Variants in VRK2 observed in about 807,000 individuals in gnomAD.
VRK2 encodes serine/threonine-protein kinase VRK2.
In VRK2, 60 loss-of-function variants were observed where a neutral mutation model predicts 57.6. The ratio of observed to expected loss-of-function variants is 1.04; its 90% CI spans 0.85 to 1.29. VRK2 has a LOEUF of 1.29. Ranked by LOEUF, VRK2 falls within the 50% of genes most tolerant of loss-of-function variation. The pLI is 0.00. For missense variants in VRK2, 705 were observed against 588.1 expected (o/e 1.20, Z -2.06); for synonymous variants, 231 against 199.2 (o/e 1.16, Z -1.35).
At chr2:58,035,353 G>C (rs1365476336) in intron 3 of VRK2, among the ~76,000 whole-genome samples, 1 of 151,786 alleles carries the variant, frequency 6.6e-6, no homozygotes, top group African/African-American at 2.4e-5. Flanking sequence ...TCAGTCTATG[G>C]TCTCCTTACT....
intron 12 of VRK2, among the ~76,000 whole-genome samples, chr2:58,156,393 A>G (rs980459335): frequency 1.3e-5 from 2 of 151,996 alleles, no homozygotes; most frequent in African/African-American, 2.4e-5. Flanking sequence ...CTGTGGGTTG[A>G]TATTTGTCTT....
chr2:58,038,443 C>T (rs1485491664), intron 3 of VRK2, among the ~76,000 whole-genome samples: 3 of 152,098 alleles, frequency 2.0e-5, no homozygotes, highest in Admixed American at 6.6e-5. Flanking sequence ...AAGAACTTTC[C>T]GGCCTCCTCC....
chr2:58,084,065 A>G, intron 2 of VRK2, 24 bp from the exon 3 acceptor site: 1 of 1,603,284 alleles, frequency 6.2e-7, no homozygotes. Context: ...ATTTTTCTCC[A>G]TTGTGTGTTT....
intron 1 of VRK2, among the ~76,000 whole-genome samples, chr2:58,009,260 C>T (rs1027950498): frequency 2.0e-5 from 3 of 151,926 alleles, no homozygotes; most frequent in Admixed American, 6.6e-5. Flanking sequence ...ATTTATTTAA[C>T]TGGACATATG....
chr2:58,045,974 G>A (rs1171064855), upstream of VRK2, among the ~76,000 whole-genome samples: 1 of 152,126 alleles, frequency 6.6e-6, no homozygotes, highest in Non-Finnish European at 1.5e-5. Flanking sequence ...CTGCCGAGTA[G>A]CTGGGATTAC....
At chr2:58,013,795 C>T (rs957417258) in intron 1 of VRK2, among the ~76,000 whole-genome samples, 2 of 136,512 alleles carry the variant, frequency 1.5e-5, no homozygotes, top group African/African-American at 5.8e-5. Flanking sequence ...GAAGGCGGAG[C>T]TTGCAGTGAG....
At chr2:58,102,172 A>G (rs1432844942) in intron 7 of VRK2, among the ~76,000 whole-genome samples, 3 of 151,600 alleles carry the variant, frequency 2.0e-5, no homozygotes, top group East Asian at 3.9e-4. Context: ...GAAACTGACA[A>G]TGGGAACTGC....
At chr2:57,928,907 G>A (rs1469057903) in intron 1 of VRK2, among the ~76,000 whole-genome samples, 2 of 152,322 alleles carry the variant, frequency 1.3e-5, no homozygotes, top group Non-Finnish European at 2.9e-5. Flanking sequence ...TCCCAAACAA[G>A]TGGAGTCTCT....
At chr2:58,115,975 CG>C (rs949358823) in intron 7 of VRK2, among the ~76,000 whole-genome samples, 1 of 152,106 alleles carries the variant, frequency 6.6e-6, no homozygotes, top group African/African-American at 2.4e-5. Context: ...TTTGGCACCA[CG>C]GGGTGGATAG....
chr2:58,049,744 A>C (rs745909048), intron 2 of VRK2, among the ~76,000 whole-genome samples: 1 of 152,202 alleles, frequency 6.6e-6, no homozygotes, highest in Non-Finnish European at 1.5e-5. Context: ...GATCACATCT[A>C]TTTCTATAGG....
chr2:57,939,274 C>A (rs1671016298), intron 1 of VRK2, among the ~76,000 whole-genome samples: 1 of 152,152 alleles, frequency 6.6e-6, no homozygotes, highest in Admixed American at 6.5e-5. Flanking sequence ...CAGATTTCAG[C>A]ACTTTCATTG....
At chr2:57,974,789 A>G (rs76227152) in intron 1 of VRK2, among the ~76,000 whole-genome samples, 1 of 151,882 alleles carries the variant, frequency 6.6e-6, no homozygotes, top group Non-Finnish European at 1.5e-5. Context: ...AATGAAGATA[A>G]AAGCAGAAAA....
chr2:58,078,302 G>T (rs1248676331), intron 2 of VRK2, among the ~76,000 whole-genome samples: 2 of 151,948 alleles, frequency 1.3e-5, no homozygotes, highest in Non-Finnish European at 2.9e-5. Flanking sequence ...TGTCCTCAAG[G>T]TTCATTTATG....
intron 2 of VRK2, among the ~76,000 whole-genome samples, chr2:58,064,895 A>G (rs1441097706): frequency 2.0e-5 from 3 of 152,124 alleles, no homozygotes; most frequent in Non-Finnish European, 2.9e-5. Context: ...TTTGGAATCT[A>G]ATCCAGGAAA....
At chr2:57,940,976 C>G (rs1671076144) in intron 1 of VRK2, among the ~76,000 whole-genome samples, 1 of 151,750 alleles carries the variant, frequency 6.6e-6, no homozygotes, top group Non-Finnish European at 1.5e-5. Context: ...TAGAGAGTAA[C>G]ACAAGAATGC....
At chr2:58,007,723 A>T (rs571917130) in intron 1 of VRK2, among the ~76,000 whole-genome samples, 1 of 152,142 alleles carries the variant, frequency 6.6e-6, no homozygotes, top group Admixed American at 6.6e-5. Context: ...CAGATTTTCT[A>T]CTGTGCAGGG....
At chr2:58,149,087 A>G (rs951740111) in intron 12 of VRK2, among the ~76,000 whole-genome samples, 1 of 151,760 alleles carries the variant, frequency 6.6e-6, no homozygotes, top group African/African-American at 2.4e-5. Context: ...TTTATGGAGA[A>G]CTGGCATCCC....
intron 2 of VRK2, among the ~76,000 whole-genome samples, chr2:58,029,547 C>T (rs1380043484): frequency 6.6e-6 from 1 of 152,164 alleles, no homozygotes; most frequent in Non-Finnish European, 1.5e-5. Flanking sequence ...CGGAAGATAG[C>T]AGTATGACTA....
intron 1 of VRK2, among the ~76,000 whole-genome samples, chr2:58,005,757 G>A (rs1406063696): frequency 6.6e-6 from 1 of 152,090 alleles, no homozygotes; most frequent in Non-Finnish European, 1.5e-5. Context: ...GATTGGGAAA[G>A]AATAGGATCA....
Sources: allele counts gnomAD v4.1 joint callset (sites outside exome capture counted in the v4.1 genomes callset), GRCh38; gene constraint gnomAD v4.1.1; transcripts MANE v1.5; gene names NCBI Gene and HGNC (gene_info 2026-07-23, HGNC 2026-07-21).